Variants in LIG1 observed in about 807,000 individuals in gnomAD.
LIG1 encodes the protein DNA ligase 1.
Under a neutral mutation model 115.7 loss-of-function variants are expected in LIG1, and 70 were observed. That is an observed-to-expected ratio of 0.60 (90% CI 0.50 to 0.74). The LOEUF (loss-of-function observed/expected upper bound fraction) is 0.74, where lower values mean the gene tolerates loss of function less well. LIG1 is among the 30% of genes least tolerant of loss of function. The pLI is 0.00. For missense variants in LIG1, 1,115 were observed against 1,225.6 expected (o/e 0.91, Z 1.35); for synonymous variants, 487 against 495.3 (o/e 0.98, Z 0.22).
In LIG1 at chr19:48,137,434, TG is replaced by T; in HGVS notation, c.1254+87del. The T allele has an allele frequency of 6.6e-7, 1 of 1,526,232 alleles. No homozygotes were observed. The highest frequency in any genetic ancestry group is 8.9e-7 in the Non-Finnish European group (1 of 1,124,150). The allele number at this position is 1,526,232 out of a possible 1,614,324, so 94.5% of individuals were successfully genotyped here. A position where few individuals can be genotyped will look rare whatever the true frequency, so the allele number is the denominator to read the frequency against. On this transcript the variant is annotated intron_variant, in intron 13 of 27. Transcript: ENST00000263274. The surrounding 1 kb of genome is among the most constrained non-coding windows in gnomAD (Gnocchi z 4.3). ...AGAAGGACTGATGCGACCCAGCTGA[TG>T]GTCTACCCAGAAGCCTTCCTGACAC...
At chr19:48,127,381 A>G (rs774896053) in intron 20 of LIG1, 33 bp from the exon 21 acceptor site, 1 of 1,589,688 alleles carries the variant, frequency 6.3e-7, no homozygotes, top group Admixed American at 1.7e-5. Context: ...TCGTGAGTGC[A>G]GGAAGGTGAG....
intron 21 of LIG1, among the ~76,000 whole-genome samples, chr19:48,124,115 G>A (rs551723489): frequency 2.6e-5 from 4 of 152,270 alleles, no homozygotes; most frequent in African/African-American, 4.8e-5. Context: ...CCACCCACGC[G>A]CAGTGTTTCT....
At chr19:48,120,464 G>A in intron 24 of LIG1, 1 of 985,368 alleles carries the variant, frequency 1.0e-6, no homozygotes, top group Non-Finnish European at 1.2e-6. Context: ...GTGATATTTT[G>A]TTCTGTTTCT....
chr19:48,125,477 C>T (rs777811476), intron 21 of LIG1, among the ~76,000 whole-genome samples: 9 of 151,438 alleles, frequency 5.9e-5, no homozygotes, highest in East Asian at 1.9e-4. Context: ...CCACCTGTCC[C>T]GGCGAAGGAC....
intron 17 of LIG1, chr19:48,133,425 TCA>T (rs1223350621): frequency 2.7e-6 from 1 of 375,652 alleles, no homozygotes; most frequent in Non-Finnish European, 5.0e-6. Flanking sequence ...CCACATTTGA[TCA>T]CAGACATTGG....
intron 21 of LIG1, among the ~76,000 whole-genome samples, chr19:48,126,761 T>TG (rs375542389): frequency 6.6e-4 from 99 of 149,090 alleles, no homozygotes; most frequent in East Asian, 1.4e-3. Flanking sequence ...TTTTTTTTTT[T>TG]GAATAGACAC....
intron 18 of LIG1, among the ~76,000 whole-genome samples, chr19:48,132,411 C>T (rs948744908): frequency 2.6e-5 from 4 of 152,090 alleles, no homozygotes; most frequent in East Asian, 1.9e-4. Context: ...GCAGCATCAG[C>T]GGAGCCCACG....
At chr19:48,116,498 G>A (rs906883113) in intron 26 of LIG1, among the ~76,000 whole-genome samples, 11 of 151,152 alleles carry the variant, frequency 7.3e-5, no homozygotes, top group African/African-American at 2.4e-4. Context: ...CGATAATGAC[G>A]GTAATTCGGG....
chr19:48,143,512 GC>G (rs1187166941), intron 11 of LIG1, 30 bp downstream of exon 11: 13 of 1,055,850 alleles, frequency 1.2e-5, no homozygotes, highest in Non-Finnish European at 1.4e-5. Context: ...AAGCGACCCC[GC>G]CCCCCACCCA....
chr19:48,154,756 C>G (rs2035729948), intron 5 of LIG1, among the ~76,000 whole-genome samples: 1 of 152,234 alleles, frequency 6.6e-6, no homozygotes, highest in Non-Finnish European at 1.5e-5. Flanking sequence ...TCCCCGGTCT[C>G]CCGGCCCCCA....
rs55817698 is a variant in LIG1, at chr19:48,133,015, G to A, written c.1692C>T (p.Thr564=). The change falls in exon 18 of 28, where the codon ACC becomes ACT. Residue 564 remains threonine (T), a synonymous_variant. Coordinates refer to ENST00000263274, the MANE Select transcript of LIG1 (RefSeq NM_000234.3). ...VLKRFEEAAF[T]CEYKYDGQRA... ...TCTGCCCGTCATATTTGTATTCGCA[G>A]GTGAAAGCTGCCTCCTCAAAGCGTT... The A allele has an allele frequency of 3.3e-5, 54 of 1,614,010 alleles. No homozygotes were observed. In the East Asian group the frequency reaches 9.1e-4, roughly 27 times the overall value.
rs143591612 is a variant in LIG1, at chr19:48,144,784, G to A, written c.777-821C>T. 4.1e-3 allele frequency among the ~76,000 whole-genome samples: 616 copies of A among 151,866 alleles called. 8 individuals carry two copies. The highest frequency in any genetic ancestry group is 0.014 in the African/African-American group (577 of 41,528). ...CTCCCAAAGTGCTAGGATTATAGGC[G>A]TGAGCCACCGTGCCTGGCCAGAAGG... On this transcript the variant is annotated intron_variant, in intron 9 of 27. Transcript: ENST00000263274.
intron 12 of LIG1, among the ~76,000 whole-genome samples, chr19:48,139,321 G>C (rs1346095068): frequency 6.6e-6 from 1 of 152,178 alleles, no homozygotes; most frequent in Non-Finnish European, 1.5e-5. Flanking sequence ...CAGTCACCCA[G>C]GGAGATCCTG....
chr19:48,154,032 T>A, intron 5 of LIG1, 65 bp from the exon 6 acceptor site: 1 of 1,318,028 alleles, frequency 7.6e-7, no homozygotes, highest in Non-Finnish European at 1.1e-6. Context: ...CCCGGAGAGC[T>A]CACACCCACT....
At chr19:48,124,814 A>ACAT (rs1281217738) in intron 21 of LIG1, among the ~76,000 whole-genome samples, 2 of 152,198 alleles carry the variant, frequency 1.3e-5, no homozygotes, top group Admixed American at 6.5e-5. Flanking sequence ...CAGGAGTTCA[A>ACAT]CATCAGCCTG....
chr19:48,123,004 C>A lies in LIG1; in HGVS notation c.2162G>T (p.Gly721Val), dbSNP rs778352522. The A allele has an allele frequency of 1.4e-5, 23 of 1,613,740 alleles. No individual in the cohort carries two copies. The highest frequency in any genetic ancestry group is 1.7e-5 in the Non-Finnish European group (20 of 1,179,968). The change falls in exon 23 of 28, where the codon GGG (glycine) becomes GTG (valine). Residue 721 changes from glycine to valine, a missense_variant. Transcript: ENST00000263274. ...AACATCCAGGGTCTTCACCATCAGCCCCTCGCAGGAGTCTGAGGGAGACAC... is the reference window on the plus strand; with the variant it reads ...AACATCCAGGGTCTTCACCATCAGCACCTCGCAGGAGTCTGAGGGAGACAC... ...LEQSVKDSCE[G>V]LMVKTLDVDA...
rs1599826741 is a variant in LIG1, at chr19:48,147,188, A to G, written c.776+2575T>C. 3.3e-5 allele frequency: 5 copies of G among 152,330 alleles called. No homozygotes were observed. In the East Asian group the frequency reaches 9.6e-4, roughly 29 times the overall value. 9.4% of individuals were successfully genotyped at this position (152,330 alleles called of 1,614,324 possible). A position where few individuals can be genotyped will look rare whatever the true frequency, so the allele number is the denominator to read the frequency against. On this transcript the variant is annotated intron_variant, in intron 9 of 27. Coordinates refer to ENST00000263274, the MANE Select transcript of LIG1 (RefSeq NM_000234.3). ...AAAGAGATTTTGGACTCACTGCGTC[A>G]TACTTTTTAACCCACCTGTCCTTTC...
intron 11 of LIG1, among the ~76,000 whole-genome samples, chr19:48,143,338 T>C (rs550145661): frequency 9.2e-4 from 140 of 152,322 alleles, no homozygotes; most frequent in African/African-American, 3.0e-3. Flanking sequence ...CCCTTGTGTC[T>C]TGCTCTGACC....
At chr19:48,168,461 A>T (rs1166633102) in intron 1 of LIG1, among the ~76,000 whole-genome samples, 1 of 152,114 alleles carries the variant, frequency 6.6e-6, no homozygotes, top group Non-Finnish European at 1.5e-5. Flanking sequence ...TGTACTGCTG[A>T]GTTGGGGGGA....
Sources: gnomAD v4.1 joint callset for allele counts (sites outside exome capture counted in the v4.1 genomes callset) on GRCh38, gnomAD v4.1.1 for gene constraint, Gnocchi (gnomAD v3.1) non-coding constraint, MANE v1.5 for transcripts, NCBI Gene and HGNC (gene_info 2026-07-23, HGNC 2026-07-21) for gene names.